The following PGAP2 variants were observed in gnomAD, a reference collection of about 807,000 sequenced individuals.
PGAP2 encodes the protein acyltransferase PGAP2.
Under a neutral mutation model 33.2 loss-of-function variants are expected in PGAP2, and 21 were observed. That is an observed-to-expected ratio of 0.63 (90% CI 0.45 to 0.91). The LOEUF is 0.91. Among genes scored for constraint, PGAP2 ranks in the 40% least tolerant of loss-of-function variants. The pLI is 0.00. For missense variants in PGAP2, 345 were observed against 424.0 expected (o/e 0.81, Z 1.64); for synonymous variants, 161 against 172.9 (o/e 0.93, Z 0.54).
chr11:3,824,204 C>T (rs780139061), intron 4 of PGAP2, 66 bp from the exon 5 acceptor site: 47 of 1,611,870 alleles, frequency 2.9e-5, no homozygotes, highest in East Asian at 6.7e-5. Flanking sequence ...CTACCACATT[C>T]GGACCTTCCT....
At chr11:3,818,940 T>G (rs375920176) in intron 3 of PGAP2, among the ~76,000 whole-genome samples, 10 of 152,200 alleles carry the variant, frequency 6.6e-5, no homozygotes, top group African/African-American at 1.9e-4. Flanking sequence ...TAAAGAAGGC[T>G]CTTTGTGAAT....
At chr11:3,803,806 T>TC (rs2083877171), upstream of PGAP2, among the ~76,000 whole-genome samples, 1 of 151,148 alleles carries the variant, frequency 6.6e-6, no homozygotes, top group Non-Finnish European at 1.5e-5. Context: ...TATTTTTTTT[T>TC]TTGAGACACA....
At chr11:3,814,748 T>TTTCCTTCC (rs1565011131) in intron 2 of PGAP2, among the ~76,000 whole-genome samples, 1 of 112,656 alleles carries the variant, frequency 8.9e-6, no homozygotes, top group Admixed American at 9.4e-5. Context: ...TCTTTCCTTC[T>TTTCCTTCC]TTTCTTTCTT....
rs140448695 is a variant in PGAP2, at chr11:3,815,915, C to A, written c.166-1438C>A. On this transcript the variant is annotated intron_variant, in intron 2 of 6. Transcript: ENST00000278243. The stretch of plus-strand genomic sequence containing the variant: ...CTCTCAGTCCTGCTCTAACAAAAAA[C>A]GGCCAGACCCCTTTTTGCTTTCTCT... 8.5e-4 allele frequency among the ~76,000 whole-genome samples: 130 copies of A among 152,118 alleles called. 1 individual carries two copies. Among genetic ancestry groups the A allele is most frequent in the Non-Finnish European group, 1.9e-3 (126 of 68,006 alleles).
rs1050302859 is a variant in PGAP2 at position 3,808,666 on chromosome 11, G to C, written c.-11+15G>C. On this transcript the variant is annotated intron_variant, in intron 1 of 6. Transcript: ENST00000278243. ...CCACCGCGTGGGTGAGTATGGGCAT[G>C]GATGTGCTGGGCTGCCGGGCAGCCC... is the stretch of plus-strand genomic sequence containing the variant. The C allele has an allele frequency of 9.4e-6, 11 of 1,175,612 alleles. No individual in the cohort carries two copies. The African/African-American group carries it at 1.6e-4, about 17-fold the overall frequency. The allele number at this position is 1,175,612 out of a possible 1,614,324, so 72.8% of individuals were successfully genotyped here.
Position 3,797,896 on chromosome 11 carries a change from A to G in PGAP2, c.53A>G (p.His18Arg), listed in dbSNP as rs931835772. The G allele has an allele frequency of 5.8e-6, 9 of 1,549,004 alleles. No individual in the cohort carries two copies. The African/African-American group carries it at 9.6e-5, about 17-fold the overall frequency. Residue 18 changes from histidine (H) to arginine (R), a missense_variant, in exon 1 of 7, where the codon CAT (histidine) becomes CGT (arginine). Coordinates refer to the PGAP2 transcript ENST00000300730. ...GTGTCGGGAAGGGTGGTGACGCAAC[A>G]TAGAGACTCCGCCCCCTTCCTTGGA... is the stretch of plus-strand genomic sequence containing the variant.
In PGAP2 at chr11:3,803,003, TTTC is replaced by T. The variant is rs1564972825; in HGVS notation, c.139+5024_139+5026del. On this transcript the variant is annotated intron_variant, in intron 1 of 6. Transcript: ENST00000300730. ...CACCACACCCGGCTAATTTTTTTTT[TTTC>T]TTTTGGAGACAGAGTCTCACTCTGT... 2.0e-5 allele frequency among the ~76,000 whole-genome samples: 3 copies of T among 148,116 alleles called. 1 individual carries two copies. The highest frequency in any genetic ancestry group is 4.5e-5 in the Non-Finnish European group (3 of 66,592).
chr11:3,806,029 G>C (rs1046970750), upstream of PGAP2, among the ~76,000 whole-genome samples: 18 of 152,164 alleles, frequency 1.2e-4, no homozygotes, highest in African/African-American at 4.3e-4. Flanking sequence ...TTATAGACGA[G>C]GAAACAGAGG....
chr11:3,797,947 T>G (rs2082789116), exon 1 of PGAP2: 1 of 1,548,082 alleles, frequency 6.5e-7, no homozygotes, highest in Non-Finnish European at 8.7e-7. Flanking sequence ...CTGAGGGAGC[T>G]CGGGCCAATC....
At position 3,825,744 on chromosome 11, in the gene PGAP2, G is replaced by C; in HGVS notation, c.*286G>C. ...GTGCTAAAAAAAAAAACGTCCTGAG[G>C]TTCATGACCACCATCCAGTTTCTGG... On this transcript the variant is annotated 3_prime_UTR_variant, in exon 7 of 7. Transcript: ENST00000278243. 1 of 286,782 alleles carries C rather than the reference G, an allele frequency of 3.5e-6. No individual in the cohort carries two copies. Among genetic ancestry groups the C allele is most frequent in the East Asian group, 7.2e-5 (1 of 13,796 alleles). 17.8% of individuals were successfully genotyped at this position (286,782 alleles called of 1,614,324 possible). A position where few individuals can be genotyped will look rare whatever the true frequency, so the allele number is the denominator to read the frequency against.
intron 1 of PGAP2, among the ~76,000 whole-genome samples, chr11:3,800,507 GTTTAA>G (rs1179743860): frequency 4.6e-5 from 7 of 152,102 alleles, no homozygotes; most frequent in East Asian, 1.9e-4. Flanking sequence ...ATTTAATTCA[GTTTAA>G]TTTAATTAAG....
intron 2 of PGAP2, among the ~76,000 whole-genome samples, chr11:3,814,815 T>TTTCTCG (rs2086583717): frequency 2.5e-5 from 3 of 121,298 alleles, no homozygotes; most frequent in African/African-American, 8.4e-5. Context: ...TTTCTTTCTC[T>TTTCTCG]TTCTTTCTTT....
Position 3,811,196 on chromosome 11 carries a change from C to G in PGAP2, c.-10-54C>G, listed in dbSNP as rs1590214927. 5.2e-6 allele frequency: 8 copies of G among 1,534,248 alleles called. No homozygotes were observed. The East Asian group carries it at 1.8e-4, about 35-fold the overall frequency. ...CTGAGCACAAGGGCTGACTTTATCA[C>G]TGAGTGCCAGCCTGGCTGCCTGGGG... is the stretch of plus-strand genomic sequence containing the variant. On this transcript the variant is annotated intron_variant, in intron 1 of 6. Transcript: ENST00000278243. The surrounding 1 kb of genome is among the most constrained non-coding windows in gnomAD (Gnocchi z 4.6).
upstream of PGAP2, chr11:3,808,296 A>G (rs1487813766): frequency 1.1e-5 from 17 of 1,551,528 alleles, no homozygotes; most frequent in Middle Eastern, 1.7e-4. Context: ...TTCAACAGGT[A>G]GATGGAACGC....
intron 1 of PGAP2, among the ~76,000 whole-genome samples, chr11:3,800,029 T>A (rs1295364650): frequency 6.6e-6 from 1 of 152,180 alleles, no homozygotes; most frequent in Admixed American, 6.6e-5. Context: ...AGAAACACGG[T>A]ACATTGTAGG....
At chr11:3,798,118 G>A in intron 1 of PGAP2, 1 of 1,465,412 alleles carries the variant, frequency 6.8e-7, no homozygotes, top group Non-Finnish European at 9.0e-7. Context: ...TGTCCAAAGA[G>A]TTTGCCCGAG....
chr11:3,800,648 GA>G (rs1400246437), intron 1 of PGAP2, among the ~76,000 whole-genome samples: 3 of 151,400 alleles, frequency 2.0e-5, no homozygotes, highest in Non-Finnish European at 4.4e-5. Flanking sequence ...CATCTCTACT[GA>G]AAATACAAAA....
At position 3,822,760 on chromosome 11, in the gene PGAP2, G is replaced by A. The variant is rs1178212878; in HGVS notation, c.349-1123G>A. ...TTAAAGTTTGTGAAGCACTGCTCTA[G>A]GCCCTGGAGTCTAAGAGAGCCTCTT... On this transcript the variant is annotated intron_variant, in intron 3 of 6. Coordinates refer to ENST00000278243, the MANE Select transcript of PGAP2 (RefSeq NM_014489.4). 3 of 500,428 alleles carry A rather than the reference G, an allele frequency of 6.0e-6. No individual in the cohort carries two copies. In the Admixed American group the frequency reaches 1.1e-4, roughly 19 times the overall value. The allele number at this position is 500,428 out of a possible 1,614,324, so 31.0% of individuals were successfully genotyped here. A position where few individuals can be genotyped will look rare whatever the true frequency, so the allele number is the denominator to read the frequency against.
intron 1 of PGAP2, among the ~76,000 whole-genome samples, chr11:3,810,690 G>T (rs1026890956): frequency 6.6e-6 from 1 of 152,212 alleles, no homozygotes; most frequent in Non-Finnish European, 1.5e-5. Flanking sequence ...GGGGCTTGGG[G>T]TTCTGTCAGC....
Sources: gnomAD v4.1 joint callset for allele counts (sites outside exome capture counted in the v4.1 genomes callset) on GRCh38, gnomAD v4.1.1 for gene constraint, Gnocchi (gnomAD v3.1) non-coding constraint, MANE v1.5 for transcripts, NCBI Gene and HGNC (gene_info 2026-07-23, HGNC 2026-07-21) for gene names.